BCAS4: variants seen among roughly 807,000 people sequenced by gnomAD.
BCAS4 encodes breast carcinoma-amplified sequence 4.
Under a neutral mutation model 15.7 loss-of-function variants are expected in BCAS4, and 9 were observed. The ratio of observed to expected loss-of-function variants is 0.57; its 90% CI spans 0.34 to 1.00. The LOEUF is 1.00. BCAS4 is among the 50% of genes least tolerant of loss of function. The pLI is 0.02. For synonymous variants in BCAS4, 101 were observed against 99.5 expected, an observed-to-expected ratio of 1.02 and a Z score of -0.09; for missense variants, 225 against 239.1, an observed-to-expected ratio of 0.94 and a Z score of 0.39.
At chr20:50,811,248 CCAGCTA>C (rs1380258613) in intron 1 of BCAS4, among the ~76,000 whole-genome samples, 1 of 152,012 alleles carries the variant, frequency 6.6e-6, no homozygotes, top group Non-Finnish European at 1.5e-5. Flanking sequence ...ATCTGTAGTC[CCAGCTA>C]CTCAAGAGGC....
At chr20:50,802,368 G>C (rs531504162) in intron 1 of BCAS4, among the ~76,000 whole-genome samples, 1 of 152,254 alleles carries the variant, frequency 6.6e-6, no homozygotes, top group South Asian at 2.1e-4. Context: ...GAGGAGCCAG[G>C]GGCAAGGCAG....
At chr20:50,807,561 A>G (rs1294561865) in intron 1 of BCAS4, among the ~76,000 whole-genome samples, 1 of 152,160 alleles carries the variant, frequency 6.6e-6, no homozygotes, top group Non-Finnish European at 1.5e-5. Flanking sequence ...TTACATGAAT[A>G]AGTTCTTTAG....
chr20:50,843,687 G>C lies in BCAS4; in HGVS notation c.399+1787G>C, dbSNP rs1053317887. Among the ~76,000 whole-genome samples, 43 of 152,242 alleles carry C rather than the reference G, an allele frequency of 2.8e-4. 1 individual carries two copies. Among genetic ancestry groups the C allele is most frequent in the African/African-American group, 8.9e-4 (37 of 41,462 alleles). On this transcript the variant is annotated intron_variant, in intron 4 of 4. Transcript: ENST00000371608. ...CTCCTCTTGCTCCTTCAGAGACCAA[G>C]TTAAAGACATCTCCTGTGAGAAGCC... is the stretch of plus-strand genomic sequence containing the variant.
chr20:50,823,340 C>G (rs985265536), intron 2 of BCAS4, among the ~76,000 whole-genome samples: 2 of 151,700 alleles, frequency 1.3e-5, no homozygotes, highest in Admixed American at 1.3e-4. Context: ...ACTCCGTCCC[C>G]CCGGCCCAAA....
At chr20:50,857,831 C>G (rs966157001) in intron 4 of BCAS4, among the ~76,000 whole-genome samples, 4 of 152,186 alleles carry the variant, frequency 2.6e-5, no homozygotes, top group African/African-American at 9.7e-5. Context: ...CAGCAGTCCC[C>G]CATTTCTGGT....
intron 4 of BCAS4, among the ~76,000 whole-genome samples, chr20:50,846,149 A>G (rs557043294): frequency 8.5e-4 from 129 of 152,376 alleles, no homozygotes; most frequent in Non-Finnish European, 1.7e-3. Flanking sequence ...CAACACATGT[A>G]TTTCATGGCA....
intron 1 of BCAS4, among the ~76,000 whole-genome samples, chr20:50,795,417 C>T (rs1022348898): frequency 1.3e-5 from 2 of 152,178 alleles, no homozygotes; most frequent in Non-Finnish European, 2.9e-5. Flanking sequence ...ACCCGGGTCC[C>T]CCAGCATCCG....
rs149486461 is a variant in BCAS4 at position 50,847,528 on chromosome 20, A to G, written c.399+5628A>G. 2.5e-3 allele frequency among the ~76,000 whole-genome samples: 379 copies of G among 152,292 alleles called. 3 individuals are homozygous for G. Among genetic ancestry groups the G allele is most frequent in the African/African-American group, 8.0e-3 (333 of 41,548 alleles). The stretch of plus-strand genomic sequence containing the variant: ...CACTGTTTTCAGCTTGTCAATCCTC[A>G]TAACATCCCACAAGGGAGGTGCTAT... On this transcript the variant is annotated intron_variant, in intron 4 of 4. Transcript: ENST00000371608.
intron 4 of BCAS4, among the ~76,000 whole-genome samples, chr20:50,870,600 C>T (rs560897692): frequency 2.0e-5 from 3 of 152,350 alleles, no homozygotes; most frequent in African/African-American, 7.2e-5. Context: ...CTCAGCTCAG[C>T]CACCCTCAGC....
intron 4 of BCAS4, among the ~76,000 whole-genome samples, chr20:50,859,092 T>C (rs1210198522): frequency 6.6e-6 from 1 of 152,008 alleles, no homozygotes; most frequent in Non-Finnish European, 1.5e-5. Flanking sequence ...TGTGCCACCA[T>C]GCCCGGCTAA....
At chr20:50,853,952 A>T (rs1978615360) in intron 4 of BCAS4, among the ~76,000 whole-genome samples, 1 of 152,020 alleles carries the variant, frequency 6.6e-6, no homozygotes, top group South Asian at 2.1e-4. Context: ...GTAACAACCA[A>T]AAAGGAGTCC....
intron 4 of BCAS4, among the ~76,000 whole-genome samples, chr20:50,847,595 A>C (rs2088562003): frequency 6.6e-6 from 1 of 152,214 alleles, no homozygotes; most frequent in South Asian, 2.1e-4. Flanking sequence ...AGGCATAGAG[A>C]GGGTAAGTAA....
At chr20:50,842,009 A>C in intron 4 of BCAS4, 109 bp downstream of exon 4, 1 of 1,335,646 alleles carries the variant, frequency 7.5e-7, no homozygotes, top group Non-Finnish European at 9.9e-7. Flanking sequence ...GGCACATTTC[A>C]CTTCTGCAGA....
chr20:50,876,738 C>T lies in BCAS4; in HGVS notation c.*130C>T, dbSNP rs1979974022. On this transcript the variant is annotated 3_prime_UTR_variant, in exon 5 of 5. Coordinates refer to ENST00000371608, the MANE Select transcript of BCAS4 (RefSeq NM_198799.4). ...ATTTAAAAAAATGTCGAGATGGGGTCTCACTATGTTGTCCAGACTGATCTC... is the reference window on the plus strand; with the variant it reads ...ATTTAAAAAAATGTCGAGATGGGGTTTCACTATGTTGTCCAGACTGATCTC... 1.7e-6 allele frequency: 2 copies of T among 1,196,974 alleles called. No homozygotes were observed. Among genetic ancestry groups the T allele is most frequent in the East Asian group, 3.0e-5 (1 of 33,394 alleles). The allele number at this position is 1,196,974 out of a possible 1,614,324, so 74.1% of individuals were successfully genotyped here. A position where few individuals can be genotyped will look rare whatever the true frequency, so the allele number is the denominator to read the frequency against.
intron 4 of BCAS4, among the ~76,000 whole-genome samples, chr20:50,873,534 C>T (rs6020816): frequency 0.069 from 10,447 of 152,306 alleles, 700 homozygotes; most frequent in African/African-American, 0.16. Context: ...TCATGACAGC[C>T]AGATCTCAGG....
chr20:50,855,831 T>C (rs904773154), intron 4 of BCAS4, among the ~76,000 whole-genome samples: 9 of 152,242 alleles, frequency 5.9e-5, no homozygotes, highest in African/African-American at 2.2e-4. Context: ...GATGAATAAA[T>C]GGAGGACCTG....
intron 2 of BCAS4, among the ~76,000 whole-genome samples, chr20:50,827,276 T>G (rs1479079963): frequency 2.0e-5 from 3 of 152,214 alleles, no homozygotes; most frequent in Non-Finnish European, 2.9e-5. Flanking sequence ...GGTCCCTCGA[T>G]TTTTGTGATG....
At chr20:50,863,031 A>T (rs1026375054) in intron 4 of BCAS4, among the ~76,000 whole-genome samples, 4 of 151,946 alleles carry the variant, frequency 2.6e-5, no homozygotes, top group African/African-American at 4.8e-5. Context: ...GAGTTTTACC[A>T]TGTTGGCCAG....
At chr20:50,861,084 C>T (rs1320908932) in intron 4 of BCAS4, among the ~76,000 whole-genome samples, 1 of 151,640 alleles carries the variant, frequency 6.6e-6, no homozygotes, top group Non-Finnish European at 1.5e-5. Context: ...GAGATTTGAG[C>T]GTGGAGTTCA....
Sources: allele counts gnomAD v4.1 joint callset (sites outside exome capture counted in the v4.1 genomes callset), GRCh38; gene constraint gnomAD v4.1.1; transcripts MANE v1.5; gene names NCBI Gene and HGNC (gene_info 2026-07-23, HGNC 2026-07-21).